PLEKHM2: variants seen among roughly 807,000 people sequenced by gnomAD.
PLEKHM2 encodes the protein pleckstrin homology and RUN domain containing M2, also known as pleckstrin homology domain-containing family M member 2.
Under a neutral mutation model 116.3 loss-of-function variants are expected in PLEKHM2, and 77 were observed. The observed-to-expected ratio is 0.66, with a 90% CI of 0.55 to 0.80. PLEKHM2 has a LOEUF of 0.80. Ranked by LOEUF, PLEKHM2 falls within the 30% of genes least tolerant of loss-of-function variation. PLEKHM2 has a pLI of 0.00. For missense variants in PLEKHM2, 1,183 were observed against 1,354.9 expected (o/e 0.87, Z 1.99); for synonymous variants, 562 against 571.0 (o/e 0.98, Z 0.22).
Position 15,729,213 on chromosome 1 carries a change from T to C in PLEKHM2, c.2075+23T>C, listed in dbSNP as rs777935977. 8 of 1,591,512 alleles carry C rather than the reference T, an allele frequency of 5.0e-6. No individual in the cohort carries two copies. The highest frequency in any genetic ancestry group is 6.9e-6 in the Non-Finnish European group (8 of 1,166,926). ...TGAGTGAGTGGCAACCCCGCCCCTC[T>C]GGAAGGATTGGAGAGTTCGCAGCCG... is the stretch of plus-strand genomic sequence containing the variant. On this transcript the variant is annotated intron_variant, in intron 13 of 19. Coordinates refer to ENST00000375799, the MANE Select transcript of PLEKHM2 (RefSeq NM_015164.4). This position sits in a 1 kb window ranked among gnomAD's most constrained non-coding sequence, Gnocchi z 4.7.
intron 1 of PLEKHM2, 136 bp downstream of exon 1, chr1:15,684,754 G>C (rs1640730344): frequency 5.6e-6 from 2 of 356,070 alleles, no homozygotes; most frequent in Middle Eastern, 1.0e-3. Flanking sequence ...CGGGAGCCCC[G>C]GGCCGGTAGA....
chr1:15,688,190 AT>A (rs773702751), intron 1 of PLEKHM2, among the ~76,000 whole-genome samples: 31 of 152,118 alleles, frequency 2.0e-4, no homozygotes, highest in Non-Finnish European at 4.4e-4. Flanking sequence ...GAGTTCAACT[AT>A]TTTCACACTT....
At chr1:15,724,748 C>G (rs1015703036) in intron 7 of PLEKHM2, among the ~76,000 whole-genome samples, 1 of 152,200 alleles carries the variant, frequency 6.6e-6, no homozygotes, top group African/African-American at 2.4e-5. Flanking sequence ...CCTCTGCCCC[C>G]ACTCTGCACC....
chr1:15,696,825 C>G (rs964646437), intron 1 of PLEKHM2, among the ~76,000 whole-genome samples: 1 of 152,228 alleles, frequency 6.6e-6, no homozygotes, highest in African/African-American at 2.4e-5. Context: ...CCCTAATGTC[C>G]TTTACTATCC....
rs1370948329 is a variant in PLEKHM2, at chr1:15,728,332, C to T, written c.1896C>T (p.Asp632=). Residue 632 remains aspartate, a synonymous_variant, in exon 11 of 20, where the codon GAC becomes GAT. Transcript: ENST00000375799. This position sits in a 1 kb window ranked among gnomAD's most constrained non-coding sequence, Gnocchi z 5.9. ...NLQLLYVLLT[D]CYVYLLRKGA... ...AGCTGCTGTACGTGCTGCTCACAGA[C>T]TGCTATGTCTACCTGCTCCGGAAAG... The T allele has an allele frequency of 6.2e-7, 1 of 1,613,016 alleles. No individual in the cohort carries two copies. Among genetic ancestry groups the T allele is most frequent in the Non-Finnish European group, 8.5e-7 (1 of 1,179,848 alleles).
At chr1:15,689,986 C>T (rs1336050574) in intron 1 of PLEKHM2, among the ~76,000 whole-genome samples, 2 of 150,716 alleles carry the variant, frequency 1.3e-5, no homozygotes, top group Non-Finnish European at 3.0e-5. Context: ...AAACTCCCTA[C>T]CTCAGGTGAT....
intron 8 of PLEKHM2, 35 bp from the exon 9 acceptor site, chr1:15,726,979 A>G (rs1467808220): frequency 7.2e-7 from 1 of 1,385,870 alleles, no homozygotes; most frequent in African/African-American, 1.5e-5. Flanking sequence ...TGGACTACTC[A>G]GGGGTTAACA....
At chr1:15,707,582 G>T (rs992835064) in intron 1 of PLEKHM2, among the ~76,000 whole-genome samples, 1 of 152,170 alleles carries the variant, frequency 6.6e-6, no homozygotes, top group African/African-American at 2.4e-5. Flanking sequence ...GAGATTTTCT[G>T]CCTTTCCCCA....
In PLEKHM2 at chr1:15,684,446, C is replaced by T. The variant is rs981010337; in HGVS notation, c.-113C>T. 2.1e-4 allele frequency: 101 copies of T among 491,226 alleles called. No individual in the cohort carries two copies. Among genetic ancestry groups the T allele is most frequent in the Non-Finnish European group, 1.9e-4 (71 of 380,262 alleles). The allele number at this position is 491,226 out of a possible 1,614,324, so 30.4% of individuals were successfully genotyped here. ...GGCCCCGCGGCCGGCACGACGGAGC[C>T]CCCGTACGGCCGGCGGCAGCGGTTG... is the stretch of plus-strand genomic sequence containing the variant. On this transcript the variant is annotated 5_prime_UTR_variant, in exon 1 of 20. Coordinates refer to ENST00000375799, the MANE Select transcript of PLEKHM2 (RefSeq NM_015164.4).
At position 15,727,981 on chromosome 1, in the gene PLEKHM2, T is replaced by C; in HGVS notation, c.1761-98T>C. ...CTCCCTCCCTAACTTTGGCTCCTAG[T>C]GGGAGGCGGAGGCACTACCCCCTGG... On this transcript the variant is annotated intron_variant, in intron 9 of 19. Coordinates refer to ENST00000375799, the MANE Select transcript of PLEKHM2 (RefSeq NM_015164.4). The surrounding 1 kb of genome is among the most constrained non-coding windows in gnomAD (Gnocchi z 7.5). The C allele has an allele frequency of 1.6e-6, 2 of 1,235,928 alleles. No individual in the cohort carries two copies. Among genetic ancestry groups the C allele is most frequent in the Non-Finnish European group, 2.3e-6 (2 of 859,404 alleles). 76.6% of individuals were successfully genotyped at this position (1,235,928 alleles called of 1,614,324 possible).
At position 15,716,307 on chromosome 1, in the gene PLEKHM2, G is replaced by A. The variant is rs750819902; in HGVS notation, c.131G>A (p.Arg44His). The A allele has an allele frequency of 7.3e-5, 117 of 1,606,242 alleles. No homozygotes were observed. Among genetic ancestry groups the A allele is most frequent in the Non-Finnish European group, 8.0e-5 (94 of 1,176,314 alleles). ...CGGAACCATGACAAGGTCCTACAGC[G>A]TCTGTGTGAGCACCTGGACCACGCC... Reference protein sequence around the residue: ...AIRNHDKVLQRLCEHLDHALL... With the variant: ...AIRNHDKVLQHLCEHLDHALL... The change falls in exon 2 of 20, where the codon CGT (arginine) becomes CAT (histidine). Residue 44 changes from arginine to histidine, a missense_variant. Physicochemically the swap from Arg to His is conservative, Grantham distance 29 (BLOSUM62 0). Transcript: ENST00000375799.
chr1:15,695,981 T>G (rs1640987966), intron 1 of PLEKHM2, among the ~76,000 whole-genome samples: 4 of 1,156 alleles, frequency 3.5e-3, no homozygotes, highest in Admixed American at 0.027. Context: ...TTTTTCTATA[T>G]TTTTTTTTTT....
intron 1 of PLEKHM2, among the ~76,000 whole-genome samples, chr1:15,710,890 G>A (rs1331201045): frequency 6.6e-6 from 1 of 152,162 alleles, no homozygotes; most frequent in Non-Finnish European, 1.5e-5. Context: ...TAATAAATAC[G>A]AGGGCTGGGT....
At position 15,728,543 on chromosome 1, in the gene PLEKHM2, A is replaced by G. The variant is rs2068096977; in HGVS notation, c.1922-126A>G. Reference sequence around the variant, plus strand: ...CTGGGGCTCCCTCTGTGAGCACTCCACGCCATTCTCCTACTGCAGGGCAAG... The same window carrying G: ...CTGGGGCTCCCTCTGTGAGCACTCCGCGCCATTCTCCTACTGCAGGGCAAG... On this transcript the variant is annotated intron_variant, in intron 11 of 19. Transcript: ENST00000375799. This position sits in a 1 kb window ranked among gnomAD's most constrained non-coding sequence, Gnocchi z 5.9. 2.0e-6 allele frequency: 2 copies of G among 1,019,912 alleles called. No homozygotes were observed. The highest frequency in any genetic ancestry group is 1.6e-5 in the African/African-American group (1 of 62,518). The allele number at this position is 1,019,912 out of a possible 1,614,324, so 63.2% of individuals were successfully genotyped here. A position where few individuals can be genotyped will look rare whatever the true frequency, so the allele number is the denominator to read the frequency against.
intron 1 of PLEKHM2, among the ~76,000 whole-genome samples, chr1:15,708,689 C>G (rs1340646406): frequency 6.6e-6 from 1 of 152,184 alleles, no homozygotes; most frequent in Non-Finnish European, 1.5e-5. Context: ...TCCCAAAGAG[C>G]TGGAATTATA....
At position 15,724,725 on chromosome 1, in the gene PLEKHM2, T is replaced by TCCTGTCTCCTAG. The variant is rs2068038948; in HGVS notation, c.713-588_713-577dup. ...ATGGTTCCCACCCCTTGGGCTCCCA[T>TCCTGTCTCCTAG]CCTGTCTCCTAGCCTCTGCCCCCAC... On this transcript the variant is annotated intron_variant, in intron 7 of 19. Coordinates refer to ENST00000375799, the MANE Select transcript of PLEKHM2 (RefSeq NM_015164.4). Among the ~76,000 whole-genome samples the TCCTGTCTCCTAG allele has an allele frequency of 2.6e-5, 4 of 152,106 alleles. No individual in the cohort carries two copies. In the East Asian group the frequency reaches 7.7e-4, roughly 29 times the overall value.
Position 15,718,596 on chromosome 1 carries a change from C to T in PLEKHM2, c.436C>T (p.Leu146=). The change falls in exon 5 of 20, where the codon CTA becomes TTA. Residue 146 remains leucine (L), a synonymous_variant. Transcript: ENST00000375799. ...LTLFLTLVSG[L]EFIRFELDLD... ...GCTCTTCCTGACCTTGGTGTCCGGGCTAGAGTTCATTCGTTTCGAGCTGGA... is the reference window on the plus strand; with the variant it reads ...GCTCTTCCTGACCTTGGTGTCCGGGTTAGAGTTCATTCGTTTCGAGCTGGA... 1 of 1,493,280 alleles carries T rather than the reference C, an allele frequency of 6.7e-7. No homozygotes were observed. The highest frequency in any genetic ancestry group is 2.8e-5 in the East Asian group (1 of 35,684). The allele number at this position is 1,493,280 out of a possible 1,614,324, so 92.5% of individuals were successfully genotyped here. A position where few individuals can be genotyped will look rare whatever the true frequency, so the allele number is the denominator to read the frequency against.
At chr1:15,687,610 C>T (rs960351055) in intron 1 of PLEKHM2, among the ~76,000 whole-genome samples, 1 of 152,172 alleles carries the variant, frequency 6.6e-6, no homozygotes, top group African/African-American at 2.4e-5. Context: ...TCTACAACAC[C>T]ATTTGTTCTT....
At position 15,721,686 on chromosome 1, in the gene PLEKHM2, T is replaced by C. The variant is rs1455090590; in HGVS notation, c.712+298T>C. The stretch of plus-strand genomic sequence containing the variant: ...CCTTCCTGATTCCAGTGCCAGCTGA[T>C]GCTCTCGGGGTGTGTAGGGCCTGAC... On this transcript the variant is annotated intron_variant, in intron 7 of 19. Coordinates refer to ENST00000375799, the MANE Select transcript of PLEKHM2 (RefSeq NM_015164.4). This position sits in a 1 kb window ranked among gnomAD's most constrained non-coding sequence, Gnocchi z 5.1. Among the ~76,000 whole-genome samples the C allele has an allele frequency of 6.6e-6, 1 of 152,178 alleles. No individual in the cohort carries two copies. The highest frequency in any genetic ancestry group is 1.5e-5 in the Non-Finnish European group (1 of 68,034).
Sources: gnomAD v4.1 joint callset for allele counts (sites outside exome capture counted in the v4.1 genomes callset) on GRCh38, gnomAD v4.1.1 for gene constraint, Gnocchi (gnomAD v3.1) non-coding constraint, MANE v1.5 for transcripts, NCBI Gene and HGNC (gene_info 2026-07-23, HGNC 2026-07-21) for gene names.